UBL3: variants seen among roughly 807,000 people sequenced by gnomAD.
UBL3 encodes the protein ubiquitin like 3.
A neutral mutation model predicts 18.4 loss-of-function variants in UBL3; 6 were observed. The ratio of observed to expected loss-of-function variants is 0.33; its 90% CI spans 0.18 to 0.64. The LOEUF (loss-of-function observed/expected upper bound fraction) is 0.64, where lower values mean the gene tolerates loss of function less well. Ranked by LOEUF, UBL3 falls within the 30% of genes least tolerant of loss-of-function variation. The pLI, the probability that UBL3 is intolerant of heterozygous loss-of-function variation, is 0.76. For missense variants in UBL3, 109 were observed against 142.9 expected, an observed-to-expected ratio of 0.76 and a Z score of 1.21; for synonymous variants, 49 against 46.6, an observed-to-expected ratio of 1.05 and a Z score of -0.21.
At chr13:29,776,544 T>C (rs925052912) in intron 2 of UBL3, among the ~76,000 whole-genome samples, 2 of 152,138 alleles carry the variant, frequency 1.3e-5, no homozygotes, top group African/African-American at 4.8e-5. Flanking sequence ...ATTACAGGTA[T>C]GAGCCACCAT....
chr13:29,821,873 A>G (rs1033317520), intron 1 of UBL3, among the ~76,000 whole-genome samples: 4 of 152,228 alleles, frequency 2.6e-5, no homozygotes, highest in African/African-American at 9.6e-5. Flanking sequence ...CTCAAGGAAC[A>G]TAGATGAAAT....
chr13:29,809,978 T>C (rs1375577011), intron 1 of UBL3, among the ~76,000 whole-genome samples: 2 of 152,134 alleles, frequency 1.3e-5, no homozygotes, highest in Non-Finnish European at 2.9e-5. Flanking sequence ...TTTTGAAACT[T>C]TGTGAAATTT....
intron 1 of UBL3, among the ~76,000 whole-genome samples, chr13:29,793,983 T>A (rs1184712412): frequency 6.6e-6 from 1 of 152,168 alleles, no homozygotes; most frequent in Admixed American, 6.6e-5. Flanking sequence ...TAGCTGGGAT[T>A]ACAGGTGTGT....
At chr13:29,776,036 A>T (rs1051433376) in intron 2 of UBL3, among the ~76,000 whole-genome samples, 1 of 152,168 alleles carries the variant, frequency 6.6e-6, no homozygotes, top group East Asian at 1.9e-4. Context: ...AATTATCTTG[A>T]CCTTATAGTA....
At chr13:29,809,467 T>C (rs1033710218) in intron 1 of UBL3, among the ~76,000 whole-genome samples, 7 of 152,132 alleles carry the variant, frequency 4.6e-5, no homozygotes, top group African/African-American at 1.4e-4. Context: ...AAGAGTCAGA[T>C]CTCACACAGC....
At chr13:29,830,986 C>T (rs1878756430) in intron 1 of UBL3, among the ~76,000 whole-genome samples, 1 of 152,128 alleles carries the variant, frequency 6.6e-6, no homozygotes, top group Non-Finnish European at 1.5e-5. Context: ...AATCTGCCTC[C>T]TTGAGTTTCT....
chr13:29,844,671 A>G (rs1879187253), intron 1 of UBL3, among the ~76,000 whole-genome samples: 1 of 152,148 alleles, frequency 6.6e-6, no homozygotes, highest in South Asian at 2.1e-4. Flanking sequence ...GTTACCATGA[A>G]TTCTACAGTC....
At chr13:29,838,072 G>C (rs1879006816) in intron 1 of UBL3, among the ~76,000 whole-genome samples, 1 of 149,588 alleles carries the variant, frequency 6.7e-6, no homozygotes, top group African/African-American at 2.4e-5. Flanking sequence ...TAGTAAAATT[G>C]GTGAAAACCA....
intron 1 of UBL3, among the ~76,000 whole-genome samples, chr13:29,842,134 C>T (rs867958510): frequency 4.7e-5 from 6 of 128,066 alleles, no homozygotes; most frequent in Admixed American, 7.9e-5. Context: ...CATTCTCTTT[C>T]TTTTTTTTTT....
intron 1 of UBL3, among the ~76,000 whole-genome samples, chr13:29,778,883 C>A (rs374692824): frequency 2.7e-4 from 41 of 152,226 alleles, no homozygotes; most frequent in African/African-American, 9.9e-4. Context: ...CATATTAGAA[C>A]CTGTATTCTA....
At chr13:29,811,447 T>C (rs7999096) in intron 1 of UBL3, among the ~76,000 whole-genome samples, 2,134 of 152,198 alleles carry the variant, frequency 0.014, 43 homozygotes, top group African/African-American at 0.049. Flanking sequence ...CAACTAGTAC[T>C]AGCCATGTGA....
At chr13:29,842,134 C>CTTTTTTTTTT (rs201006689) in intron 1 of UBL3, among the ~76,000 whole-genome samples, 10 of 128,066 alleles carry the variant, frequency 7.8e-5, no homozygotes, top group African/African-American at 2.4e-4. Flanking sequence ...CATTCTCTTT[C>CTTTTTTTTTT]TTTTTTTTTT....
intron 1 of UBL3, among the ~76,000 whole-genome samples, chr13:29,823,287 C>T (rs1179918114): frequency 1.3e-5 from 2 of 152,152 alleles, no homozygotes; most frequent in African/African-American, 2.4e-5. Context: ...GGGTTACAGG[C>T]ATGCGCCACC....
chr13:29,843,976 C>CT (rs1879172007), intron 1 of UBL3, among the ~76,000 whole-genome samples: 2 of 152,216 alleles, frequency 1.3e-5, no homozygotes. Flanking sequence ...TGTGATTAAT[C>CT]TTTGAGTTCT....
chr13:29,767,545 C>G, intron 4 of UBL3, 73 bp downstream of exon 4: 2 of 1,524,824 alleles, frequency 1.3e-6, no homozygotes, highest in Non-Finnish European at 1.8e-6. Flanking sequence ...TCAGCATATC[C>G]AAGAAAAACC....
chr13:29,812,352 C>CT (rs1593665357), intron 1 of UBL3, among the ~76,000 whole-genome samples: 1 of 152,030 alleles, frequency 6.6e-6, no homozygotes, highest in African/African-American at 2.4e-5. Context: ...GGTTATATCA[C>CT]TTTAAGTATA....
intron 1 of UBL3, among the ~76,000 whole-genome samples, chr13:29,833,195 A>T (rs1878826777): frequency 6.6e-6 from 1 of 151,150 alleles, no homozygotes; most frequent in South Asian, 2.1e-4. Context: ...TCAGACACTG[A>T]GATCTGTATT....
chr13:29,829,177 G>A (rs890204578), intron 1 of UBL3, among the ~76,000 whole-genome samples: 4 of 152,162 alleles, frequency 2.6e-5, no homozygotes, highest in Non-Finnish European at 4.4e-5. Context: ...TCTCAGATCT[G>A]AAACTCCGTG....
chr13:29,828,463 C>T (rs1025722688), intron 1 of UBL3, among the ~76,000 whole-genome samples: 7 of 152,158 alleles, frequency 4.6e-5, no homozygotes, highest in African/African-American at 1.4e-4. Flanking sequence ...TCCAGCTGAT[C>T]GAATCGGCTA....
Sources: allele counts gnomAD v4.1 joint callset (sites outside exome capture counted in the v4.1 genomes callset), GRCh38; gene constraint gnomAD v4.1.1; transcripts MANE v1.5; gene names NCBI Gene and HGNC (gene_info 2026-07-23, HGNC 2026-07-21).